The following LMBR1 variants were observed in gnomAD, a reference collection of about 807,000 sequenced individuals.
The protein encoded by LMBR1 is limb region 1 protein homolog.
Under a neutral mutation model 73.9 loss-of-function variants are expected in LMBR1, and 52 were observed. The observed-to-expected ratio is 0.70, with a 90% confidence interval of 0.56 to 0.89. LMBR1 has a LOEUF of 0.89. Among genes scored for constraint, LMBR1 ranks in the 40% least tolerant of loss-of-function variants. The pLI, the probability that LMBR1 is intolerant of heterozygous loss-of-function variation, is 0.00. For missense variants in LMBR1, 539 were observed against 579.8 expected, an observed-to-expected ratio of 0.93 and a Z score of 0.72; for synonymous variants, 215 against 209.4, an observed-to-expected ratio of 1.03 and a Z score of -0.23.
intron 1 of LMBR1, among the ~76,000 whole-genome samples, chr7:156,875,880 C>G (rs755735047): frequency 6.8e-6 from 1 of 146,848 alleles, no homozygotes; most frequent in African/African-American, 2.5e-5. Flanking sequence ...ATAATTCTCA[C>G]AGGGCATATA....
intron 4 of LMBR1, among the ~76,000 whole-genome samples, chr7:156,818,747 T>A (rs536900510): frequency 1.3e-5 from 2 of 152,228 alleles, no homozygotes; most frequent in African/African-American, 4.8e-5. Flanking sequence ...TTTCAACTTA[T>A]GGAAATGAAG....
At chr7:156,757,930 G>GA (rs1822211079) in intron 8 of LMBR1, among the ~76,000 whole-genome samples, 1 of 151,900 alleles carries the variant, frequency 6.6e-6, no homozygotes, top group Admixed American at 6.6e-5. Context: ...TGGAAGGTGA[G>GA]AAAAAACAAA....
intron 9 of LMBR1, among the ~76,000 whole-genome samples, chr7:156,741,051 CTTGT>C (rs147438444): frequency 0.039 from 5,884 of 152,122 alleles, 148 homozygotes; most frequent in Non-Finnish European, 0.045. Flanking sequence ...TTTCTTTTTG[CTTGT>C]TTGTTTTTGC....
chr7:156,790,026 A>T (rs1828921631), intron 5 of LMBR1, among the ~76,000 whole-genome samples: 1 of 152,062 alleles, frequency 6.6e-6, no homozygotes, highest in African/African-American at 2.4e-5. Context: ...ATTATGAGAC[A>T]TTAGTTAGTA....
At chr7:156,806,567 TATG>T (rs1832123233) in intron 4 of LMBR1, among the ~76,000 whole-genome samples, 1 of 150,744 alleles carries the variant, frequency 6.6e-6, no homozygotes, top group South Asian at 2.1e-4. Context: ...CACCATTAAG[TATG>T]ATGTTATCAG....
chr7:156,880,753 A>C (rs912544037), intron 1 of LMBR1, among the ~76,000 whole-genome samples: 9 of 152,074 alleles, frequency 5.9e-5, no homozygotes, highest in African/African-American at 2.2e-4. Context: ...CCTGGGTTCA[A>C]GTGATTCTCC....
At chr7:156,873,744 A>G (rs1185718632) in intron 1 of LMBR1, among the ~76,000 whole-genome samples, 1 of 151,910 alleles carries the variant, frequency 6.6e-6, no homozygotes, top group Non-Finnish European at 1.5e-5. Flanking sequence ...CAGGGTGCTG[A>G]TTGGTGTATT....
At chr7:156,787,674 A>G (rs1381735473) in intron 5 of LMBR1, among the ~76,000 whole-genome samples, 2 of 152,258 alleles carry the variant, frequency 1.3e-5, no homozygotes, top group African/African-American at 4.8e-5. Flanking sequence ...AAAACATTTC[A>G]AGGAGTTATT....
chr7:156,782,265 C>G (rs11770562), intron 5 of LMBR1, among the ~76,000 whole-genome samples: 16,353 of 152,246 alleles, frequency 0.11, 1,115 homozygotes, highest in East Asian at 0.28. Flanking sequence ...GTGAATAATG[C>G]TGCTATGAAC....
At chr7:156,687,497 T>A (rs138831620) in intron 16 of LMBR1, among the ~76,000 whole-genome samples, 13 of 152,232 alleles carry the variant, frequency 8.5e-5, no homozygotes, top group African/African-American at 2.9e-4. Context: ...TTACAATACA[T>A]GTGACTCTTG....
At chr7:156,714,012 T>C (rs903344885) in intron 15 of LMBR1, among the ~76,000 whole-genome samples, 5 of 152,250 alleles carry the variant, frequency 3.3e-5, no homozygotes, top group Non-Finnish European at 7.3e-5. Flanking sequence ...AGACATTTAT[T>C]CCCTTCACGG....
chr7:156,834,467 G>A, intron 2 of LMBR1: 2 of 228,688 alleles, frequency 8.7e-6, no homozygotes, highest in Non-Finnish European at 8.9e-6. Flanking sequence ...ACTAGGCATG[G>A]TGGCACATGC....
intron 9 of LMBR1, among the ~76,000 whole-genome samples, chr7:156,751,469 G>C (rs1229406191): frequency 6.6e-6 from 1 of 152,218 alleles, no homozygotes; most frequent in Non-Finnish European, 1.5e-5. Context: ...GACTCTTGCT[G>C]TTATCCAGAC....
intron 5 of LMBR1, among the ~76,000 whole-genome samples, chr7:156,783,375 C>T (rs908964975): frequency 6.6e-6 from 1 of 151,914 alleles, no homozygotes; most frequent in Non-Finnish European, 1.5e-5. Flanking sequence ...GACAGGGCCT[C>T]GCTATGTTGC....
At chr7:156,752,147 A>G (rs1299046162) in intron 9 of LMBR1, among the ~76,000 whole-genome samples, 1 of 152,230 alleles carries the variant, frequency 6.6e-6, no homozygotes, top group African/African-American at 2.4e-5. Flanking sequence ...AGACATTTCG[A>G]GGAGGAAAGA....
At chr7:156,802,220 T>C (rs555525979) in intron 4 of LMBR1, among the ~76,000 whole-genome samples, 1 of 152,272 alleles carries the variant, frequency 6.6e-6, no homozygotes, top group East Asian at 1.9e-4. Flanking sequence ...TGACCTCAGG[T>C]GATCCACTCG....
chr7:156,866,535 G>A (rs1167594924), intron 1 of LMBR1, among the ~76,000 whole-genome samples: 1 of 151,050 alleles, frequency 6.6e-6, no homozygotes, highest in Non-Finnish European at 1.5e-5. Flanking sequence ...TGTTACAGAT[G>A]TGTGCAGAAT....
At chr7:156,882,527 T>C (rs967393559) in intron 1 of LMBR1, among the ~76,000 whole-genome samples, 2 of 152,054 alleles carry the variant, frequency 1.3e-5, no homozygotes, top group African/African-American at 4.8e-5. Flanking sequence ...AGAAGACAAA[T>C]ACTGCATGAT....
downstream of LMBR1, among the ~76,000 whole-genome samples, chr7:156,675,295 C>T (rs1803605791): frequency 6.6e-6 from 1 of 152,204 alleles, no homozygotes; most frequent in Non-Finnish European, 1.5e-5. Context: ...GCTGTCTCCT[C>T]CCGGCTCCCT....
Sources: allele counts gnomAD v4.1 joint callset (sites outside exome capture counted in the v4.1 genomes callset), GRCh38; gene constraint gnomAD v4.1.1; transcripts MANE v1.5; gene names NCBI Gene and HGNC (gene_info 2026-07-23, HGNC 2026-07-21).